The following TMIGD2 variants were observed in gnomAD, a reference collection of about 807,000 sequenced individuals.
TMIGD2 encodes transmembrane and immunoglobulin domain-containing protein 2.
Under a neutral mutation model 22.6 loss-of-function variants are expected in TMIGD2, and 18 were observed. The ratio of observed to expected loss-of-function variants is 0.80; its 90% CI spans 0.55 to 1.18. The LOEUF (loss-of-function observed/expected upper bound fraction) is 1.18, where lower values mean the gene tolerates loss of function less well. TMIGD2 is among the 50% of genes most tolerant of loss of function. The pLI is 0.00. For missense variants in TMIGD2, 361 were observed against 378.2 expected, an observed-to-expected ratio of 0.95 and a Z score of 0.38; for synonymous variants, 184 against 154.1, an observed-to-expected ratio of 1.19 and a Z score of -1.44.
intron 4 of TMIGD2, among the ~76,000 whole-genome samples, chr19:4,294,287 T>C (rs966590019): frequency 6.6e-6 from 1 of 151,964 alleles, no homozygotes; most frequent in Admixed American, 6.6e-5. Context: ...CAGGCTGACC[T>C]CAGGTGATTC....
At chr19:4,293,045 G>A (rs1971404919) in intron 4 of TMIGD2, among the ~76,000 whole-genome samples, 160 bp from the exon 5 acceptor site, 1 of 151,258 alleles carries the variant, frequency 6.6e-6, no homozygotes. Flanking sequence ...CTCACTGCAA[G>A]CTTCGCCTCC....
At chr19:4,294,589 T>G (rs1460286303) in exon 4 of TMIGD2, 1 of 1,611,940 alleles carries the variant, frequency 6.2e-7, no homozygotes, top group African/African-American at 1.3e-5. Flanking sequence ...CTGAGTCCCT[T>G]TGCTGGCAGC....
intron 4 of TMIGD2, among the ~76,000 whole-genome samples, chr19:4,294,093 C>A (rs533158772): frequency 6.9e-6 from 1 of 144,296 alleles, no homozygotes; most frequent in Non-Finnish European, 1.5e-5. Context: ...TTTGAGACCG[C>A]GTCTTGCTCT....
chr19:4,301,465 G>A (rs951989875), intron 1 of TMIGD2, among the ~76,000 whole-genome samples: 3 of 152,130 alleles, frequency 2.0e-5, no homozygotes, highest in African/African-American at 7.2e-5. Flanking sequence ...TCAGGAGTTC[G>A]AGACCCACCT....
intron 2 of TMIGD2, among the ~76,000 whole-genome samples, chr19:4,297,079 T>TTTC (rs1281773441): frequency 1.3e-5 from 2 of 148,384 alleles, no homozygotes; most frequent in Admixed American, 6.7e-5. Context: ...TGTGGCTTTT[T>TTTC]TTTTTTTTTT....
At chr19:4,292,916 A>T in intron 4 of TMIGD2, 31 bp from the exon 5 acceptor site, 1 of 1,611,094 alleles carries the variant, frequency 6.2e-7, no homozygotes, top group South Asian at 1.1e-5. Context: ...CAAGAGGATC[A>T]CTTAAGAGAG....
At chr19:4,294,865 C>T (rs776402439) in intron 2 of TMIGD2, 49 bp from the exon 3 acceptor site, 1 of 1,510,784 alleles carries the variant, frequency 6.6e-7, no homozygotes, top group Non-Finnish European at 8.8e-7. Context: ...TCTCCACCCT[C>T]CAAGGACAGA....
At chr19:4,293,511 T>C (rs1246779727) in intron 4 of TMIGD2, among the ~76,000 whole-genome samples, 24 of 148,116 alleles carry the variant, frequency 1.6e-4, no homozygotes, top group African/African-American at 5.0e-4. Flanking sequence ...TCGCCCGCCG[T>C]GGCCTCCCAA....
chr19:4,292,556 G>T, exon 5 of TMIGD2: 2 of 1,575,856 alleles, frequency 1.3e-6, no homozygotes, highest in Non-Finnish European at 1.7e-6. Flanking sequence ...CCTTTTTTGT[G>T]TGTACCTATG....
intron 2 of TMIGD2, among the ~76,000 whole-genome samples, chr19:4,296,838 A>G (rs1210705153): frequency 6.6e-6 from 1 of 152,192 alleles, no homozygotes. Flanking sequence ...CACCTCTCAC[A>G]GAGCAGGAGG....
At chr19:4,300,047 G>A (rs1971514945) in intron 1 of TMIGD2, among the ~76,000 whole-genome samples, 1 of 151,282 alleles carries the variant, frequency 6.6e-6, no homozygotes, top group Admixed American at 6.6e-5. Context: ...GATCACCTGA[G>A]GTCAGGAGTT....
chr19:4,299,259 C>T (rs1467343847), intron 1 of TMIGD2, among the ~76,000 whole-genome samples: 1 of 151,274 alleles, frequency 6.6e-6, no homozygotes, highest in Non-Finnish European at 1.5e-5. Flanking sequence ...ATCCTCCTAC[C>T]TCAGCCTCCC....
chr19:4,301,154 G>A (rs1971531447), intron 1 of TMIGD2, among the ~76,000 whole-genome samples: 1 of 152,038 alleles, frequency 6.6e-6, no homozygotes, highest in Non-Finnish European at 1.5e-5. Context: ...TGTATTTTTG[G>A]TAGAGATGGG....
intron 2 of TMIGD2, among the ~76,000 whole-genome samples, chr19:4,297,111 C>G (rs1971471671): frequency 7.6e-6 from 1 of 130,956 alleles, no homozygotes; most frequent in South Asian, 2.7e-4. Context: ...GAGTCTTGCT[C>G]TGTAGCCCAG....
At chr19:4,298,442 C>T (rs758799103) in intron 1 of TMIGD2, 97 bp from the exon 2 acceptor site, 30 of 1,450,444 alleles carry the variant, frequency 2.1e-5, no homozygotes, top group Non-Finnish European at 2.7e-5. Flanking sequence ...GGGTTTGAAA[C>T]CTCACTTGTC....
At position 4,292,351 on chromosome 19, in the gene TMIGD2, G is replaced by GT. The variant is rs1370939171; in HGVS notation, c.*247dup. The GT allele has an allele frequency of 5.5e-4, 259 of 472,958 alleles. 1 individual carries two copies. Among genetic ancestry groups the GT allele is most frequent in the South Asian group, 2.0e-3 (84 of 43,014 alleles). The allele number at this position is 472,958 out of a possible 1,614,324, so 29.3% of individuals were successfully genotyped here. ...CAGGCTCCCAATCCTCCTGCTTTTT[G>GT]TTTTTTTTGAGACGGAGTCTCACTC... On this transcript the variant is annotated 3_prime_UTR_variant, in exon 5 of 5. Coordinates refer to ENST00000301272, the Ensembl canonical transcript of TMIGD2.
chr19:4,299,045 G>T (rs986722169), intron 1 of TMIGD2, among the ~76,000 whole-genome samples: 6 of 152,184 alleles, frequency 3.9e-5, no homozygotes, highest in Non-Finnish European at 7.3e-5. Context: ...CTGCAGTGGG[G>T]GAAAGGAATG....
Position 4,294,632 on chromosome 19 carries a change from A to ATC in TMIGD2, c.495_496dup (p.Ile166ArgfsTer131), listed in dbSNP as rs1474265131. On this transcript the variant is annotated frameshift_variant, in exon 4 of 5. Coordinates refer to ENST00000301272, the Ensembl canonical transcript of TMIGD2. LOFTEE classifies it high-confidence loss of function. ...GCCCCAGAACCAGGCACCCCACACG[A>ATC]TCGCAGCCACACCCATGCTTCCCAC... is the stretch of plus-strand genomic sequence containing the variant. 1 of 1,607,660 alleles carries ATC rather than the reference A, an allele frequency of 6.2e-7. No homozygotes were observed. Among genetic ancestry groups the ATC allele is most frequent in the South Asian group, 1.1e-5 (1 of 90,188 alleles).
At chr19:4,292,620 G>T in exon 5 of TMIGD2, 1 of 1,613,258 alleles carries the variant, frequency 6.2e-7, no homozygotes, top group Non-Finnish European at 8.5e-7. Flanking sequence ...CCACTTTGGG[G>T]AACCCTTTTG....
Sources: allele counts gnomAD v4.1 joint callset (sites outside exome capture counted in the v4.1 genomes callset), GRCh38; gene constraint gnomAD v4.1.1; transcripts MANE v1.5; gene names NCBI Gene and HGNC (gene_info 2026-07-23, HGNC 2026-07-21).